Variants in GLCE observed in about 807,000 individuals in gnomAD.
GLCE encodes the protein D-glucuronyl C5-epimerase.
A neutral mutation model predicts 47.9 loss-of-function variants in GLCE; 19 were observed. That is an observed-to-expected ratio of 0.40 (90% CI 0.28 to 0.58). The LOEUF is 0.58. Ranked by LOEUF, GLCE falls within the 20% of genes least tolerant of loss-of-function variation. The pLI is 0.48. For synonymous variants in GLCE, 245 were observed against 263.4 expected, an observed-to-expected ratio of 0.93 and a Z score of 0.68; for missense variants, 556 against 743.3, an observed-to-expected ratio of 0.75 and a Z score of 2.93.
intron 4 of GLCE, among the ~76,000 whole-genome samples, chr15:69,262,830 A>C (rs1304062975): frequency 6.6e-6 from 1 of 152,150 alleles, no homozygotes. Context: ...GAAGCGTGCT[A>C]GCTGGGAATG....
rs61746980 is a variant in GLCE at position 69,256,054 on chromosome 15, A to G, written c.248A>G (p.Lys83Arg). The G allele has an allele frequency of 2.2e-3, 3,484 of 1,614,056 alleles. 38 individuals are homozygous for G. The African/African-American group carries it at 0.032, about 15-fold the overall frequency. Residue 83 changes from lysine (K) to arginine (R), a missense_variant, in exon 3 of 5, where the codon AAA (lysine) becomes AGA (arginine). By Grantham distance (26) the Lys-to-Arg change is conservative. Coordinates refer to ENST00000261858, the MANE Select transcript of GLCE (RefSeq NM_015554.3). ...SEEAFPQEQQ[K>R]APPVVGGFNS... ...GAAGCATTCCCTCAGGAACAGCAGAAAGCACCCCCTGTTGTTGGGGGCTTC... is the reference window on the plus strand; with the variant it reads ...GAAGCATTCCCTCAGGAACAGCAGAGAGCACCCCCTGTTGTTGGGGGCTTC...
chr15:69,225,987 A>G (rs192173538), intron 2 of GLCE, among the ~76,000 whole-genome samples: 12 of 152,218 alleles, frequency 7.9e-5, no homozygotes, highest in Admixed American at 7.9e-4. Context: ...ATTGGACTTA[A>G]GGGCCTAAAT....
In GLCE at chr15:69,184,569, T is replaced by A. The variant is rs114808108; in HGVS notation, c.-105+23812T>A. Among the ~76,000 whole-genome samples the A allele has an allele frequency of 9.2e-3, 1,396 of 152,384 alleles. 15 individuals are homozygous for A. The highest frequency in any genetic ancestry group is 0.031 in the African/African-American group (1,309 of 41,586). On this transcript the variant is annotated intron_variant, in intron 1 of 4. Coordinates refer to ENST00000261858, the MANE Select transcript of GLCE (RefSeq NM_015554.3). ...TCATCAGCTACATGTATTATATCAC[T>A]AATATGTTTCAGTTAGGTGTCTTTC...
At chr15:69,227,358 A>G (rs746379339) in intron 2 of GLCE, among the ~76,000 whole-genome samples, 8 of 152,292 alleles carry the variant, frequency 5.3e-5, no homozygotes, top group Middle Eastern at 3.4e-3. Flanking sequence ...GTGAAGCCCT[A>G]TGATAACTCA....
intron 2 of GLCE, among the ~76,000 whole-genome samples, chr15:69,223,839 C>T (rs893766019): frequency 2.6e-5 from 4 of 152,114 alleles, no homozygotes; most frequent in Non-Finnish European, 4.4e-5. Flanking sequence ...TCAGCCTGCT[C>T]AGATATGCCT....
chr15:69,194,509 A>C (rs556414358), intron 1 of GLCE: 1 of 152,278 alleles, frequency 6.6e-6, no homozygotes, highest in South Asian at 2.1e-4. Context: ...ACCTGAGCTA[A>C]ATCTTAGGAG....
At chr15:69,241,880 T>G (rs2052675977) in intron 2 of GLCE, among the ~76,000 whole-genome samples, 1 of 152,184 alleles carries the variant, frequency 6.6e-6, no homozygotes, top group Non-Finnish European at 1.5e-5. Context: ...TCAGAATCAC[T>G]TGTGTAAGAC....
chr15:69,225,681 G>T (rs1258786386), intron 2 of GLCE, among the ~76,000 whole-genome samples: 1 of 152,166 alleles, frequency 6.6e-6, no homozygotes, highest in Non-Finnish European at 1.5e-5. Context: ...ACTGATTTCA[G>T]AGTGGTAGTG....
chr15:69,236,054 C>G (rs971686352), intron 2 of GLCE, among the ~76,000 whole-genome samples: 1 of 152,186 alleles, frequency 6.6e-6, no homozygotes, highest in African/African-American at 2.4e-5. Flanking sequence ...TTGTGTCTGA[C>G]TTCTTTCACG....
intron 1 of GLCE, among the ~76,000 whole-genome samples, chr15:69,170,748 G>A (rs1196256902): frequency 6.6e-6 from 1 of 152,214 alleles, no homozygotes; most frequent in Non-Finnish European, 1.5e-5. Flanking sequence ...GAAAAGCAGG[G>A]TCTGGCAGTA....
At position 69,219,721 on chromosome 15, in the gene GLCE, T is replaced by C. The variant is rs762278594; in HGVS notation, c.-14+9315T>C. Among the ~76,000 whole-genome samples the C allele has an allele frequency of 4.5e-4, 68 of 152,200 alleles. 1 individual carries two copies. The highest frequency in any genetic ancestry group is 1.0e-4 in the Non-Finnish European group (7 of 68,000). ...TCTTTTTTGTTTTCACTTGTTTAAA[T>C]TGTGTTAAAATACACGTAATATAAA... is the stretch of plus-strand genomic sequence containing the variant. On this transcript the variant is annotated intron_variant, in intron 2 of 4. Coordinates refer to ENST00000261858, the MANE Select transcript of GLCE (RefSeq NM_015554.3).
At chr15:69,245,981 G>A (rs111976881) in intron 2 of GLCE, among the ~76,000 whole-genome samples, 5 of 152,134 alleles carry the variant, frequency 3.3e-5, no homozygotes, top group South Asian at 2.1e-4. Flanking sequence ...TGCCCGCCTC[G>A]GCCTCCTAAA....
chr15:69,217,059 A>G (rs920360133), intron 2 of GLCE, among the ~76,000 whole-genome samples: 2 of 152,108 alleles, frequency 1.3e-5, no homozygotes, highest in African/African-American at 2.4e-5. Flanking sequence ...CATGACTGAT[A>G]TTTCTAATGG....
intron 4 of GLCE, among the ~76,000 whole-genome samples, chr15:69,267,037 C>T (rs537396584): frequency 1.4e-4 from 20 of 144,776 alleles, no homozygotes; most frequent in South Asian, 4.6e-4. Context: ...ATTTGTACTA[C>T]GTATATTTTT....
chr15:69,223,627 G>A (rs2052406584), intron 2 of GLCE, among the ~76,000 whole-genome samples: 1 of 152,088 alleles, frequency 6.6e-6, no homozygotes, highest in South Asian at 2.1e-4. Context: ...ATCAAACTTT[G>A]GAAGTTTTTC....
intron 2 of GLCE, among the ~76,000 whole-genome samples, chr15:69,250,729 C>T (rs1218616479): frequency 1.3e-5 from 2 of 150,174 alleles, no homozygotes; most frequent in Admixed American, 6.7e-5. Context: ...CCCTATAGCC[C>T]AGAACTCCTG....
At chr15:69,207,720 T>A (rs573446350) in intron 1 of GLCE, among the ~76,000 whole-genome samples, 1 of 152,198 alleles carries the variant, frequency 6.6e-6, no homozygotes, top group Admixed American at 6.6e-5. Flanking sequence ...GTGTATAGGT[T>A]TTTGTCTGAA....
intron 1 of GLCE, among the ~76,000 whole-genome samples, chr15:69,166,307 A>T (rs764115083): frequency 3.3e-5 from 5 of 152,230 alleles, no homozygotes; most frequent in Non-Finnish European, 5.9e-5. Context: ...GACTGTCTCC[A>T]GACTCTATGC....
At chr15:69,264,991 ATT>A (rs1208679403) in intron 4 of GLCE, among the ~76,000 whole-genome samples, 1 of 151,858 alleles carries the variant, frequency 6.6e-6, no homozygotes, top group Admixed American at 6.6e-5. Context: ...GTTGCTTTTC[ATT>A]TTGTTGATTG....
Sources: allele counts gnomAD v4.1 joint callset (sites outside exome capture counted in the v4.1 genomes callset), GRCh38; gene constraint gnomAD v4.1.1; transcripts MANE v1.5; gene names NCBI Gene and HGNC (gene_info 2026-07-23, HGNC 2026-07-21).